The following LDB2 variants were observed in gnomAD, a reference collection of about 807,000 sequenced individuals.
LDB2 encodes the protein LIM domain binding 2.
A neutral mutation model predicts 44.3 loss-of-function variants in LDB2; 12 were observed. That is an observed-to-expected ratio of 0.27 (90% CI 0.17 to 0.44). LDB2 has a LOEUF of 0.44. Among genes scored for constraint, LDB2 ranks in the 20% least tolerant of loss-of-function variants. The pLI, the probability that LDB2 is intolerant of heterozygous loss-of-function variation, is 1.00. For synonymous variants in LDB2, 164 were observed against 174.8 expected, an observed-to-expected ratio of 0.94 and a Z score of 0.49; for missense variants, 344 against 473.5, an observed-to-expected ratio of 0.73 and a Z score of 2.54.
chr4:16,880,530 T>C (rs1401097149), intron 1 of LDB2, among the ~76,000 whole-genome samples: 1 of 152,156 alleles, frequency 6.6e-6, no homozygotes, highest in African/African-American at 2.4e-5. Context: ...GTCTGCATGG[T>C]GCTTATAGTT....
chr4:16,696,435 A>AT (rs146700048), intron 2 of LDB2, among the ~76,000 whole-genome samples: 1 of 152,138 alleles, frequency 6.6e-6, no homozygotes, highest in Non-Finnish European at 1.5e-5. Context: ...CATTCAGAAC[A>AT]TTTTTTTCAA....
intron 2 of LDB2, among the ~76,000 whole-genome samples, chr4:16,697,613 G>A (rs1462932158): frequency 6.6e-6 from 1 of 152,100 alleles, no homozygotes; most frequent in Non-Finnish European, 1.5e-5. Flanking sequence ...TCCTGCAACT[G>A]CTTCCTGCCT....
At chr4:16,857,678 T>C (rs189151695) in intron 1 of LDB2, among the ~76,000 whole-genome samples, 199 of 152,268 alleles carry the variant, frequency 1.3e-3, no homozygotes, top group Middle Eastern at 3.4e-3. Context: ...GGCTCTTCCC[T>C]TTGCCTGGAT....
chr4:16,595,545 G>T (rs1484271323), intron 3 of LDB2, among the ~76,000 whole-genome samples, 158 bp downstream of exon 3: 1 of 152,104 alleles, frequency 6.6e-6, no homozygotes, highest in Non-Finnish European at 1.5e-5. Flanking sequence ...CACCCCAAGA[G>T]TCAAGCCATG....
At chr4:16,867,024 G>C (rs9992692) in intron 1 of LDB2, among the ~76,000 whole-genome samples, 8,429 of 152,168 alleles carry the variant, frequency 0.055, 753 homozygotes, top group African/African-American at 0.19. Flanking sequence ...ATACCTTCAG[G>C]GACTAGGTGC....
At chr4:16,828,370 G>C (rs1008095191) in intron 1 of LDB2, among the ~76,000 whole-genome samples, 6 of 152,000 alleles carry the variant, frequency 3.9e-5, no homozygotes, top group Admixed American at 6.6e-5. Flanking sequence ...TTTTGCTTAC[G>C]CTGTTTCCCT....
rs953777760 is a variant in LDB2 at position 16,882,596 on chromosome 4, A to G, written c.132+15758T>C. On this transcript the variant is annotated intron_variant, in intron 1 of 7. Coordinates refer to ENST00000304523, the MANE Select transcript of LDB2 (RefSeq NM_001290.5). ...TAGGGTTAAGCTCCTTGGAAATACA[A>G]TGGAGTGAATTAAGGCTGAGATTTC... 3.3e-5 allele frequency among the ~76,000 whole-genome samples: 5 copies of G among 152,178 alleles called. No individual in the cohort carries two copies. In the East Asian group the frequency reaches 7.7e-4, roughly 23 times the overall value.
At chr4:16,661,368 A>T (rs528774753) in intron 2 of LDB2, among the ~76,000 whole-genome samples, 1 of 152,334 alleles carries the variant, frequency 6.6e-6, no homozygotes, top group East Asian at 1.9e-4. Context: ...GAAACTTTAC[A>T]GAAGTACAGA....
intron 1 of LDB2, among the ~76,000 whole-genome samples, chr4:16,841,597 G>T (rs767633227): frequency 6.6e-6 from 1 of 152,260 alleles, no homozygotes; most frequent in Non-Finnish European, 1.5e-5. Context: ...TAGCAGACAC[G>T]TTGTGCATTT....
chr4:16,702,126 A>T lies in LDB2; in HGVS notation c.235+57032T>A, dbSNP rs115276290. ...AAATCTATAAATGAGAGGAGGAGAA[A>T]AAAAGAAAATGAAACAAAGACCAAA... On this transcript the variant is annotated intron_variant, in intron 2 of 7. Transcript: ENST00000304523. Among the ~76,000 whole-genome samples, 1,514 of 152,326 alleles carry T rather than the reference A, an allele frequency of 9.9e-3. 28 individuals are homozygous for T. Among genetic ancestry groups the T allele is most frequent in the African/African-American group, 0.034 (1,428 of 41,570 alleles).
At chr4:16,650,355 C>A (rs966847162) in intron 2 of LDB2, among the ~76,000 whole-genome samples, 3 of 152,076 alleles carry the variant, frequency 2.0e-5, no homozygotes, top group African/African-American at 4.8e-5. Context: ...TTATTATCTA[C>A]CTTCTTGAGG....
chr4:16,512,021 G>A lies in LDB2; in HGVS notation c.699C>T (p.Thr233=). 1 of 1,613,644 alleles carries A rather than the reference G, an allele frequency of 6.2e-7. No homozygotes were observed. The highest frequency in any genetic ancestry group is 8.5e-7 in the Non-Finnish European group (1 of 1,179,736). ...YNLSPRDCLK[T]CLFQKWQRMV... is the part of the protein sequence containing the mutation. ...TCCTCTGCCACTTCTGAAACAAGCA[G>A]GTCTTCAGGCAGTCTCGGGGACTGA... Residue 233 remains threonine, a synonymous_variant, in exon 6 of 8, where the codon ACC becomes ACT. Transcript: ENST00000304523.
intron 1 of LDB2, among the ~76,000 whole-genome samples, chr4:16,897,952 A>ATATATATATATATATATACACATATG (rs1561575488): frequency 1.1e-4 from 8 of 72,382 alleles, no homozygotes; most frequent in South Asian, 4.7e-4. Context: ...ATATGTATAT[A>ATATATATATATATATATACACATATG]TATATATATA....
chr4:16,897,898 ATATATATATATATAT>A (rs1725543972), intron 1 of LDB2, among the ~76,000 whole-genome samples: 1 of 60,498 alleles, frequency 1.7e-5, no homozygotes, highest in Non-Finnish European at 3.0e-5. Flanking sequence ...AAAAGAAAAT[ATATATATATATATAT>A]ATATATATAT....
chr4:16,748,396 T>C (rs1290231667), intron 2 of LDB2, among the ~76,000 whole-genome samples: 1 of 152,212 alleles, frequency 6.6e-6, no homozygotes, highest in Non-Finnish European at 1.5e-5. Context: ...CACCCAGTTC[T>C]GTAAGCTCCT....
At chr4:16,729,182 A>G (rs925362039) in intron 2 of LDB2, among the ~76,000 whole-genome samples, 1 of 152,228 alleles carries the variant, frequency 6.6e-6, no homozygotes, top group Admixed American at 6.5e-5. Flanking sequence ...TTCAGACTTC[A>G]AAACAAACTT....
chr4:16,666,871 A>T (rs1743400250), intron 2 of LDB2, among the ~76,000 whole-genome samples: 1 of 152,178 alleles, frequency 6.6e-6, no homozygotes, highest in Non-Finnish European at 1.5e-5. Flanking sequence ...GTGTTTTTTT[A>T]AAATGGAGGA....
intron 2 of LDB2, among the ~76,000 whole-genome samples, chr4:16,606,225 T>C (rs1723895554): frequency 6.6e-6 from 1 of 152,254 alleles, no homozygotes; most frequent in East Asian, 1.9e-4. Context: ...AATATGTTAG[T>C]GTACATAAGA....
At chr4:16,558,938 G>C (rs1408574991) in intron 5 of LDB2, among the ~76,000 whole-genome samples, 1 of 152,138 alleles carries the variant, frequency 6.6e-6, no homozygotes, top group Admixed American at 6.5e-5. Context: ...TTTCAACCCA[G>C]AATTTCATAT....
Sources: gnomAD v4.1 joint callset for allele counts (sites outside exome capture counted in the v4.1 genomes callset) on GRCh38, gnomAD v4.1.1 for gene constraint, MANE v1.5 for transcripts, NCBI Gene and HGNC (gene_info 2026-07-23, HGNC 2026-07-21) for gene names.